SMARCA5: variants seen among roughly 807,000 people sequenced by gnomAD.
The protein encoded by SMARCA5 is SWI/SNF-related matrix-associated actin-dependent regulator of chromatin subfamily A member 5.
SMARCA5 carries 18 observed loss-of-function variants against 140.4 expected under a neutral mutation model. The ratio of observed to expected loss-of-function variants is 0.13; its 90% CI spans 0.09 to 0.19. SMARCA5 has a LOEUF of 0.19. SMARCA5 is among the 10% of genes least tolerant of loss of function. The pLI is 1.00. For missense variants in SMARCA5, 606 were observed against 1,276.8 expected (o/e 0.47, Z 8.01); for synonymous variants, 449 against 419.6 (o/e 1.07, Z -0.86).
intron 2 of SMARCA5, among the ~76,000 whole-genome samples, chr4:143,521,151 C>T (rs1015201152): frequency 6.6e-6 from 1 of 152,172 alleles, no homozygotes; most frequent in Non-Finnish European, 1.5e-5. Flanking sequence ...TGCTCCTGCT[C>T]CTTTCTAATC....
intron 20 of SMARCA5, 96 bp downstream of exon 20, chr4:143,547,004 C>T (rs1169398350): frequency 5.9e-6 from 7 of 1,194,878 alleles, no homozygotes; most frequent in Non-Finnish European, 8.3e-6. Flanking sequence ...CTAATTTTGT[C>T]ACAGTGTAGT....
At chr4:143,552,579 A>G (rs1220084612) in intron 23 of SMARCA5, among the ~76,000 whole-genome samples, 3 of 152,046 alleles carry the variant, frequency 2.0e-5, no homozygotes, top group Non-Finnish European at 2.9e-5. Context: ...TACAAGTTAT[A>G]ATTTTAGAAT....
chr4:143,535,001 T>G, intron 10 of SMARCA5, 37 bp downstream of exon 10: 1 of 1,336,690 alleles, frequency 7.5e-7, no homozygotes, highest in African/African-American at 1.5e-5. Context: ...GCACTATTGA[T>G]TCTTCCCTAA....
chr4:143,528,264 G>A (rs1012707458), intron 7 of SMARCA5, among the ~76,000 whole-genome samples: 1 of 152,050 alleles, frequency 6.6e-6, no homozygotes, highest in Non-Finnish European at 1.5e-5. Flanking sequence ...GACAGGTCCT[G>A]GCATGTGGTG....
In SMARCA5 at chr4:143,534,958, G is replaced by T; in HGVS notation, c.1262G>T (p.Arg421Met). Residue 421 changes from arginine to methionine, a missense_variant, in exon 10 of 24, where the codon AGG becomes ATG. Physicochemically the swap from Arg to Met is moderately conservative, Grantham distance 91 (BLOSUM62 -1). Coordinates refer to ENST00000283131, the MANE Select transcript of SMARCA5 (RefSeq NM_003601.4). ...KIYVGLSKMQ[R>M]EWYTRILMKD... ...TATGTGGGCCTCAGCAAAATGCAAA[G>T]GGAATGGTATGTATTCTCAGATGTA... The T allele has an allele frequency of 6.2e-7, 1 of 1,601,724 alleles. No homozygotes were observed. Among genetic ancestry groups the T allele is most frequent in the Non-Finnish European group, 8.5e-7 (1 of 1,170,024 alleles).
rs530964490 is a variant in SMARCA5 at position 143,525,367 on chromosome 4, A to G, written c.521-84A>G. 10 of 831,964 alleles carry G rather than the reference A, an allele frequency of 1.2e-5. No homozygotes were observed. The East Asian group carries it at 2.5e-4, about 20-fold the overall frequency. The allele number at this position is 831,964 out of a possible 1,614,324, so 51.5% of individuals were successfully genotyped here. On this transcript the variant is annotated intron_variant, in intron 4 of 23. Coordinates refer to ENST00000283131, the MANE Select transcript of SMARCA5 (RefSeq NM_003601.4). ...ATCCGTTAGTAATGAAAATAAAGTCAGTAGATATGTGTAGGCTTAGATGAA... is the reference window on the plus strand; with the variant it reads ...ATCCGTTAGTAATGAAAATAAAGTCGGTAGATATGTGTAGGCTTAGATGAA...
At chr4:143,538,038 T>A (rs1170682095) in intron 11 of SMARCA5, among the ~76,000 whole-genome samples, 1 of 152,170 alleles carries the variant, frequency 6.6e-6, no homozygotes, top group Non-Finnish European at 1.5e-5. Flanking sequence ...TTCAAAATGA[T>A]CCTTTGTCTT....
At chr4:143,531,339 A>C (rs1266070965) in intron 9 of SMARCA5, among the ~76,000 whole-genome samples, 1 of 152,212 alleles carries the variant, frequency 6.6e-6, no homozygotes, top group Non-Finnish European at 1.5e-5. Context: ...TTCACAAGTA[A>C]AAGTTGGTAG....
Position 143,521,607 on chromosome 4 carries a change from T to G in SMARCA5, c.419+12T>G. On this transcript the variant is annotated intron_variant, in intron 3 of 23. Coordinates refer to ENST00000283131, the MANE Select transcript of SMARCA5 (RefSeq NM_003601.4). The stretch of plus-strand genomic sequence containing the variant: ...CTATCCGTTGGCGAGTGAGTAATAG[T>G]TTAAACTTCATAGTTCAACCAAACT... 1.3e-6 allele frequency: 2 copies of G among 1,593,832 alleles called. No individual in the cohort carries two copies. Among genetic ancestry groups the G allele is most frequent in the Non-Finnish European group, 8.5e-7 (1 of 1,169,944 alleles).
chr4:143,525,915 G>T (rs938255546), intron 5 of SMARCA5, among the ~76,000 whole-genome samples: 1 of 152,040 alleles, frequency 6.6e-6, no homozygotes, highest in Non-Finnish European at 1.5e-5. Context: ...TTTATCTTTT[G>T]TTAACTACTA....
At position 143,521,552 on chromosome 4, in the gene SMARCA5, C is replaced by T. The variant is rs1264166091; in HGVS notation, c.376C>T (p.Arg126Ter). The change falls in exon 3 of 24, where the codon CGA becomes TGA. Residue 126 changes from arginine to a stop codon, truncating the protein, a stop_gained. Coordinates refer to ENST00000283131, the MANE Select transcript of SMARCA5 (RefSeq NM_003601.4). LOFTEE classifies it high-confidence loss of function. ...SPLKMKPGRP[R>*]IKKDEKQNLL... ...TTTGAAGATGAAACCAGGGCGCCCA[C>T]GAATAAAAAAAGATGAGAAGCAGAA... The T allele has an allele frequency of 6.2e-7, 1 of 1,611,322 alleles. No individual in the cohort carries two copies. The highest frequency in any genetic ancestry group is 8.5e-7 in the Non-Finnish European group (1 of 1,178,990).
rs200167359 is a variant in SMARCA5 at position 143,534,983 on chromosome 4, A to G, written c.1268+19A>G. On this transcript the variant is annotated intron_variant, in intron 10 of 23. Coordinates refer to ENST00000283131, the MANE Select transcript of SMARCA5 (RefSeq NM_003601.4). Reference sequence around the variant, plus strand: ...GGGAATGGTATGTATTCTCAGATGTACTTGATAGCACTATTGATTCTTCCC... The same window carrying G: ...GGGAATGGTATGTATTCTCAGATGTGCTTGATAGCACTATTGATTCTTCCC... The G allele has an allele frequency of 9.5e-5, 135 of 1,426,616 alleles. No individual in the cohort carries two copies. Among genetic ancestry groups the G allele is most frequent in the Middle Eastern group, 5.3e-4 (3 of 5,642 alleles). 88.4% of individuals were successfully genotyped at this position (1,426,616 alleles called of 1,614,324 possible).
At chr4:143,521,936 C>A (rs1578792221) in intron 3 of SMARCA5, among the ~76,000 whole-genome samples, 3 of 150,460 alleles carry the variant, frequency 2.0e-5, no homozygotes, top group African/African-American at 7.3e-5. Flanking sequence ...CTGCATAACG[C>A]CTTATTTTTT....
chr4:143,545,261 A>C (rs1737500601), intron 17 of SMARCA5, among the ~76,000 whole-genome samples: 1 of 152,114 alleles, frequency 6.6e-6, no homozygotes, highest in Non-Finnish European at 1.5e-5. Flanking sequence ...ATTTCTTTAG[A>C]GTGTACTCTC....
chr4:143,547,880 A>T (rs1737563800), intron 21 of SMARCA5, 48 bp from the exon 22 acceptor site: 1 of 1,130,582 alleles, frequency 8.8e-7, no homozygotes, highest in Middle Eastern at 3.0e-4. Context: ...TGAAATACAG[A>T]TTATATAGGA....
chr4:143,556,633 A>C lies in SMARCA5; in HGVS notation c.*3449A>C, dbSNP rs1186942809. The C allele has an allele frequency of 6.6e-6, 1 of 152,218 alleles. No individual in the cohort carries two copies. Among genetic ancestry groups the C allele is most frequent in the Admixed American group, 6.5e-5 (1 of 15,286 alleles). 9.4% of individuals were successfully genotyped at this position (152,218 alleles called of 1,614,324 possible). ...ACCAAAATATATACATATTTTGTAT[A>C]TGTACATAGCTGTTACCAAAATGTA... On this transcript the variant is annotated 3_prime_UTR_variant, in exon 24 of 24. Coordinates refer to ENST00000283131, the MANE Select transcript of SMARCA5 (RefSeq NM_003601.4).
At position 143,555,791 on chromosome 4, in the gene SMARCA5, A is replaced by G. The variant is rs1327555692; in HGVS notation, c.*2607A>G. On this transcript the variant is annotated 3_prime_UTR_variant, in exon 24 of 24. Transcript: ENST00000283131. ...CAGCTTCCCAAGTAGCTAGGACTAC[A>G]GATACCACGCCCAGCTAAGTTTTTT... The G allele has an allele frequency of 6.3e-6, 1 of 158,086 alleles. No homozygotes were observed. Among genetic ancestry groups the G allele is most frequent in the East Asian group, 1.9e-4 (1 of 5,362 alleles). The allele number at this position is 158,086 out of a possible 1,614,324, so 9.8% of individuals were successfully genotyped here.
chr4:143,520,874 C>A (rs908029211), intron 2 of SMARCA5, among the ~76,000 whole-genome samples: 1 of 151,888 alleles, frequency 6.6e-6, no homozygotes, highest in Non-Finnish European at 1.5e-5. Flanking sequence ...ATGGCAGATA[C>A]GAAAGGAAGG....
Position 143,513,818 on chromosome 4 carries a change from C to A in SMARCA5, c.-107C>A. On this transcript the variant is annotated 5_prime_UTR_variant, in exon 1 of 24. Transcript: ENST00000283131. ...CAGGGGAGCGCTCGGGTGGGAGTCTCGCTCCTCCACCAGTTTATTGCGACG... is the reference window on the plus strand; with the variant it reads ...CAGGGGAGCGCTCGGGTGGGAGTCTAGCTCCTCCACCAGTTTATTGCGACG... The A allele has an allele frequency of 7.6e-7, 1 of 1,310,116 alleles. No individual in the cohort carries two copies. Among genetic ancestry groups the A allele is most frequent in the Non-Finnish European group, 1.0e-6 (1 of 970,274 alleles). 81.2% of individuals were successfully genotyped at this position (1,310,116 alleles called of 1,614,324 possible).
Sources: allele counts gnomAD v4.1 joint callset (sites outside exome capture counted in the v4.1 genomes callset), GRCh38; gene constraint gnomAD v4.1.1; transcripts MANE v1.5; gene names NCBI Gene and HGNC (gene_info 2026-07-23, HGNC 2026-07-21).